Variants in RGL1 observed in about 807,000 individuals in gnomAD.
The protein encoded by RGL1 is ral guanine nucleotide dissociation stimulator-like 1.
In RGL1, 24 loss-of-function variants were observed where a neutral mutation model predicts 95.2. That is an observed-to-expected ratio of 0.25 (90% CI 0.18 to 0.35). The LOEUF is 0.35. Among genes scored for constraint, RGL1 ranks in the 10% least tolerant of loss-of-function variants. RGL1 has a pLI of 1.00. For synonymous variants in RGL1, 329 were observed against 344.9 expected, an observed-to-expected ratio of 0.95 and a Z score of 0.51; for missense variants, 715 against 936.3, an observed-to-expected ratio of 0.76 and a Z score of 3.08.
chr1:183,681,263 G>T (rs1426110996), intron 1 of RGL1, among the ~76,000 whole-genome samples: 1 of 152,222 alleles, frequency 6.6e-6, no homozygotes, highest in African/African-American at 2.4e-5. Flanking sequence ...TGTTTTCAAA[G>T]GGAATGCTTT....
chr1:183,800,568 A>C (rs1386289726), upstream of RGL1, among the ~76,000 whole-genome samples: 1 of 152,216 alleles, frequency 6.6e-6, no homozygotes, highest in African/African-American at 2.4e-5. Context: ...TGTACAGTAC[A>C]TTATTGTTAA....
intron 2 of RGL1, among the ~76,000 whole-genome samples, chr1:183,845,479 G>T (rs964112944): frequency 6.6e-6 from 1 of 152,074 alleles, no homozygotes; most frequent in African/African-American, 2.4e-5. Context: ...ATCTACCAAG[G>T]TACAATTATA....
intron 1 of RGL1, among the ~76,000 whole-genome samples, chr1:183,713,730 C>T (rs1655449615): frequency 6.6e-6 from 1 of 152,130 alleles, no homozygotes; most frequent in Admixed American, 6.5e-5. Context: ...TTGGACTTTC[C>T]AGCCTCTAGA....
chr1:183,650,414 G>C (rs908104371), intron 1 of RGL1, among the ~76,000 whole-genome samples: 1 of 152,024 alleles, frequency 6.6e-6, no homozygotes, highest in African/African-American at 2.4e-5. Flanking sequence ...GTGGTGGCAT[G>C]CGCCTGTAGT....
At chr1:183,846,707 CTG>C (rs1428568109) in intron 2 of RGL1, among the ~76,000 whole-genome samples, 1 of 151,996 alleles carries the variant, frequency 6.6e-6, no homozygotes, top group Non-Finnish European at 1.5e-5. Flanking sequence ...TGGTGAAAAC[CTG>C]TCTCTCCTAA....
intron 1 of RGL1, among the ~76,000 whole-genome samples, chr1:183,702,909 G>A (rs556827695): frequency 2.6e-5 from 4 of 152,340 alleles, no homozygotes; most frequent in East Asian, 3.9e-4. Flanking sequence ...CACCAAATGC[G>A]GACAGGGTAG....
At chr1:183,870,545 C>T (rs565632475) in intron 4 of RGL1, among the ~76,000 whole-genome samples, 4 of 152,188 alleles carry the variant, frequency 2.6e-5, no homozygotes, top group South Asian at 4.2e-4. Flanking sequence ...ATCTTGCTGA[C>T]GCGTGCTGCT....
chr1:183,793,996 G>T (rs1428065708), intron 2 of RGL1, among the ~76,000 whole-genome samples: 1 of 151,540 alleles, frequency 6.6e-6, no homozygotes, highest in Non-Finnish European at 1.5e-5. Flanking sequence ...ATTCATAATA[G>T]CCACGATATA....
chr1:183,847,274 C>T (rs2102536052), intron 2 of RGL1, among the ~76,000 whole-genome samples: 1 of 152,188 alleles, frequency 6.6e-6, no homozygotes, highest in South Asian at 2.1e-4. Context: ...CATAGCGAGA[C>T]ACTATCTCTA....
At chr1:183,660,353 A>G (rs182687416) in intron 1 of RGL1, among the ~76,000 whole-genome samples, 6 of 151,990 alleles carry the variant, frequency 3.9e-5, no homozygotes, top group African/African-American at 1.2e-4. Flanking sequence ...AAATAAAGGG[A>G]TGGAGAAAGA....
At chr1:183,704,039 T>C (rs917683585) in intron 1 of RGL1, among the ~76,000 whole-genome samples, 1 of 152,204 alleles carries the variant, frequency 6.6e-6, no homozygotes, top group African/African-American at 2.4e-5. Flanking sequence ...GGTTTTGGGC[T>C]CAGAAGTCCT....
chr1:183,838,135 C>T lies in RGL1; in HGVS notation c.139-9431C>T, dbSNP rs184173591. Reference sequence around the variant, plus strand: ...AATTATTTTATTTGAAAAATGTGGTCGGCAAACTTCTTAAAATCCACTTAA... The same window carrying T: ...AATTATTTTATTTGAAAAATGTGGTTGGCAAACTTCTTAAAATCCACTTAA... On this transcript the variant is annotated intron_variant, in intron 2 of 17. Transcript: ENST00000360851. Among the ~76,000 whole-genome samples the T allele has an allele frequency of 4.8e-3, 726 of 152,258 alleles. 2 individuals are homozygous for T. Among genetic ancestry groups the T allele is most frequent in the Non-Finnish European group, 6.6e-3 (447 of 68,018 alleles).
intron 13 of RGL1, 68 bp downstream of exon 13, chr1:183,905,039 C>T: frequency 6.5e-7 from 1 of 1,535,574 alleles, no homozygotes; most frequent in Non-Finnish European, 8.8e-7. Flanking sequence ...CATTTAATAC[C>T]TCGCTGGGTC....
At chr1:183,789,215 G>A (rs569984620) in intron 2 of RGL1, among the ~76,000 whole-genome samples, 145 of 152,138 alleles carry the variant, frequency 9.5e-4, no homozygotes, top group African/African-American at 3.4e-3. Flanking sequence ...AGGCCGAGGC[G>A]GGTGGATCAC....
At chr1:183,693,266 T>C (rs1243506987) in intron 1 of RGL1, among the ~76,000 whole-genome samples, 2 of 150,580 alleles carry the variant, frequency 1.3e-5, no homozygotes, top group East Asian at 3.9e-4. Flanking sequence ...AAATGTTTAA[T>C]ATATCAAATA....
intron 2 of RGL1, among the ~76,000 whole-genome samples, chr1:183,814,287 G>A (rs993883750): frequency 1.3e-5 from 2 of 152,106 alleles, no homozygotes; most frequent in Non-Finnish European, 2.9e-5. Context: ...TGATGTGACT[G>A]CATATGTTTC....
At chr1:183,888,646 C>CCTG in intron 8 of RGL1, 69 bp downstream of exon 8, 1 of 919,478 alleles carries the variant, frequency 1.1e-6, no homozygotes, top group Non-Finnish European at 1.8e-6. Context: ...GAGTCCTCAC[C>CCTG]TTCAAAGCTT....
intron 3 of RGL1, among the ~76,000 whole-genome samples, chr1:183,862,339 G>C (rs1315526069): frequency 1.3e-5 from 2 of 152,058 alleles, no homozygotes; most frequent in Non-Finnish European, 2.9e-5. Context: ...TCCAGTCTGG[G>C]CAAGAGAGTG....
intron 2 of RGL1, among the ~76,000 whole-genome samples, chr1:183,743,817 T>C (rs1023201127): frequency 3.9e-5 from 6 of 152,312 alleles, no homozygotes; most frequent in Middle Eastern, 3.4e-3. Context: ...AGCATGAGGC[T>C]AAGTATATTG....
Sources: allele counts gnomAD v4.1 joint callset (sites outside exome capture counted in the v4.1 genomes callset), GRCh38; gene constraint gnomAD v4.1.1; transcripts MANE v1.5; gene names NCBI Gene and HGNC (gene_info 2026-07-23, HGNC 2026-07-21).